Variants in DOCK1 observed in about 807,000 individuals in gnomAD.
DOCK1 encodes the protein dedicator of cytokinesis protein 1.
Under a neutral mutation model 262.7 loss-of-function variants are expected in DOCK1, and 138 were observed. The ratio of observed to expected loss-of-function variants is 0.53; its 90% CI spans 0.46 to 0.61. DOCK1 has a LOEUF of 0.61. Among genes scored for constraint, DOCK1 ranks in the 20% least tolerant of loss-of-function variants. DOCK1 has a pLI of 0.00. For missense variants in DOCK1, 1,908 were observed against 2,370.7 expected (o/e 0.80, Z 4.05); for synonymous variants, 866 against 867.4 (o/e 1.00, Z 0.03).
intron 12 of DOCK1, among the ~76,000 whole-genome samples, chr10:127,014,071 C>G (rs558287772): frequency 6.6e-6 from 1 of 152,266 alleles, no homozygotes; most frequent in East Asian, 1.9e-4. Flanking sequence ...TTTTTCACAC[C>G]TCTGTCCACA....
intron 37 of DOCK1, among the ~76,000 whole-genome samples, chr10:127,383,964 A>G (rs1194363501): frequency 1.3e-5 from 2 of 151,934 alleles, no homozygotes; most frequent in African/African-American, 2.4e-5. Flanking sequence ...TGTCCAGGCT[A>G]GAGTGCAGTA....
intron 29 of DOCK1, among the ~76,000 whole-genome samples, chr10:127,333,655 G>T (rs2063077357): frequency 6.6e-6 from 1 of 152,198 alleles, no homozygotes; most frequent in Non-Finnish European, 1.5e-5. Context: ...AAGCAAGGCT[G>T]GCGGGACCTC....
At chr10:127,105,614 A>G (rs750601625) in intron 23 of DOCK1, among the ~76,000 whole-genome samples, 2 of 152,156 alleles carry the variant, frequency 1.3e-5, no homozygotes, top group African/African-American at 2.4e-5. Context: ...CAGGGGTAAA[A>G]GGAGAAAATC....
At chr10:127,231,365 A>G (rs2058834955) in intron 27 of DOCK1, among the ~76,000 whole-genome samples, 1 of 152,006 alleles carries the variant, frequency 6.6e-6, no homozygotes, top group Non-Finnish European at 1.5e-5. Context: ...CTTACAATGT[A>G]TATTTTAAGT....
At chr10:127,415,786 A>T (rs755381828) in intron 44 of DOCK1, among the ~76,000 whole-genome samples, 1 of 152,224 alleles carries the variant, frequency 6.6e-6, no homozygotes, top group Non-Finnish European at 1.5e-5. Context: ...ATTTACGTGA[A>T]ACTCACATTT....
chr10:127,451,229 T>C lies in DOCK1; in HGVS notation c.5566-103T>C, dbSNP rs2070945406. 3.8e-6 allele frequency: 5 copies of C among 1,314,174 alleles called. No homozygotes were observed. In the East Asian group the frequency reaches 1.3e-4, roughly 33 times the overall value. The allele number at this position is 1,314,174 out of a possible 1,614,324, so 81.4% of individuals were successfully genotyped here. ...AGCCCAACTCATGTGGGGAGGATGG[T>C]TCCGGCTGAGTGGCTGTGCCAGGTC... On this transcript the variant is annotated intron_variant, in intron 51 of 51. Transcript: ENST00000623213.
intron 27 of DOCK1, among the ~76,000 whole-genome samples, chr10:127,170,907 T>C (rs1405490960): frequency 6.6e-6 from 1 of 152,208 alleles, no homozygotes; most frequent in African/African-American, 2.4e-5. Flanking sequence ...AGCAGAGTGA[T>C]TTTAGTGAAT....
intron 29 of DOCK1, among the ~76,000 whole-genome samples, chr10:127,270,991 A>ATATG (rs1554936962): frequency 1.8e-5 from 2 of 111,700 alleles, no homozygotes; most frequent in East Asian, 2.6e-4. Flanking sequence ...AAAGTTATAT[A>ATATG]TGTGTGTATG....
At chr10:127,393,187 T>C (rs2066599735) in intron 38 of DOCK1, among the ~76,000 whole-genome samples, 2 of 152,152 alleles carry the variant, frequency 1.3e-5, no homozygotes, top group African/African-American at 2.4e-5. Context: ...ATTCCAGTTT[T>C]ACAAATGTAT....
At chr10:126,988,607 AAAAC>A (rs1270438487) in intron 5 of DOCK1, among the ~76,000 whole-genome samples, 1 of 152,242 alleles carries the variant, frequency 6.6e-6, no homozygotes, top group African/African-American at 2.4e-5. Flanking sequence ...ATATGGCAAC[AAAAC>A]AAACAGGAGT....
rs994033319 is a variant in DOCK1, at chr10:127,437,532, G to A, written c.5061-1495G>A. Among the ~76,000 whole-genome samples the A allele has an allele frequency of 6.7e-6, 1 of 149,922 alleles. No homozygotes were observed. The highest frequency in any genetic ancestry group is 1.5e-5 in the Non-Finnish European group (1 of 67,634). ...GATCTGGCTCTGTCACCCAGGCTGT[G>A]CAATGGCACAGTCTTGGCTCACTGC... On this transcript the variant is annotated intron_variant, in intron 48 of 51. Coordinates refer to ENST00000623213, the MANE Select transcript of DOCK1 (RefSeq NM_001290223.2). This position sits in a 1 kb window ranked among gnomAD's most constrained non-coding sequence, Gnocchi z 4.4.
chr10:127,099,605 C>T (rs2048114833), intron 23 of DOCK1, among the ~76,000 whole-genome samples: 1 of 152,066 alleles, frequency 6.6e-6, no homozygotes. Context: ...AGAGAGAGCG[C>T]AGGGAGGTGC....
At chr10:127,366,768 A>G (rs1312670726) in intron 33 of DOCK1, among the ~76,000 whole-genome samples, 1 of 152,066 alleles carries the variant, frequency 6.6e-6, no homozygotes, top group Non-Finnish European at 1.5e-5. Context: ...TGGGATGGGG[A>G]TGGTCGGCTG....
At chr10:127,226,905 A>G (rs1261202369) in intron 27 of DOCK1, among the ~76,000 whole-genome samples, 2 of 151,992 alleles carry the variant, frequency 1.3e-5, no homozygotes, top group African/African-American at 4.8e-5. Flanking sequence ...CACAGCACCC[A>G]AGTCACCCCG....
At chr10:127,205,016 A>C (rs2057650140) in intron 27 of DOCK1, among the ~76,000 whole-genome samples, 11 of 152,080 alleles carry the variant, frequency 7.2e-5, no homozygotes, top group Admixed American at 7.2e-4. Context: ...GGATGCCCCT[A>C]AGTTCTAATA....
At chr10:127,181,960 T>C (rs1219650990) in intron 27 of DOCK1, among the ~76,000 whole-genome samples, 3 of 152,186 alleles carry the variant, frequency 2.0e-5, no homozygotes, top group African/African-American at 7.2e-5. Flanking sequence ...TGAAATGTTA[T>C]TTTTTCCCTA....
At chr10:126,958,082 G>T (rs1387679737) in intron 1 of DOCK1, among the ~76,000 whole-genome samples, 1 of 152,262 alleles carries the variant, frequency 6.6e-6, no homozygotes, top group East Asian at 1.9e-4. Flanking sequence ...CTAGAGAGGG[G>T]CTTGAGGGTA....
intron 1 of DOCK1, among the ~76,000 whole-genome samples, chr10:126,961,179 A>G (rs1332823644): frequency 6.6e-6 from 1 of 152,196 alleles, no homozygotes; most frequent in African/African-American, 2.4e-5. Context: ...CAAACATTGC[A>G]TGAAATACTG....
intron 1 of DOCK1, among the ~76,000 whole-genome samples, chr10:126,958,991 T>C (rs2036975734): frequency 6.6e-6 from 1 of 152,126 alleles, no homozygotes; most frequent in Non-Finnish European, 1.5e-5. Context: ...ATCAAATACA[T>C]GAAGAAATAC....
Sources: allele counts gnomAD v4.1 joint callset (sites outside exome capture counted in the v4.1 genomes callset), GRCh38; gene constraint gnomAD v4.1.1; non-coding constraint Gnocchi (gnomAD v3.1); transcripts MANE v1.5; gene names NCBI Gene and HGNC (gene_info 2026-07-23, HGNC 2026-07-21).